NIBAN1: variants seen among roughly 807,000 people sequenced by gnomAD.
NIBAN1 encodes the protein niban apoptosis regulator 1.
NIBAN1 carries 81 observed loss-of-function variants against 75.1 expected under a neutral mutation model. That is an observed-to-expected ratio of 1.08 (90% CI 0.90 to 1.30). The LOEUF is 1.30. NIBAN1 is among the 50% of genes most tolerant of loss of function. The pLI is 0.00. For missense variants in NIBAN1, 1,133 were observed against 1,128.1 expected, an observed-to-expected ratio of 1.00 and a Z score of -0.06; for synonymous variants, 436 against 424.8, an observed-to-expected ratio of 1.03 and a Z score of -0.32.
In NIBAN1 at chr1:184,929,337, T is replaced by C. The variant is rs1049322435; in HGVS notation, c.56-30028A>G. ...ACTACCACACAATCATGAAATAAAA[T>C]ATTTTTATCACACCAAAAACCCAAT... On this transcript the variant is annotated intron_variant, in intron 1 of 13. Coordinates refer to ENST00000367511, the MANE Select transcript of NIBAN1 (RefSeq NM_052966.4). Among the ~76,000 whole-genome samples the C allele has an allele frequency of 8.3e-4, 127 of 152,286 alleles. 2 individuals are homozygous for C. The highest frequency in any genetic ancestry group is 2.9e-3 in the African/African-American group (122 of 41,570).
intron 5 of NIBAN1, among the ~76,000 whole-genome samples, chr1:184,834,294 T>C (rs1655080911): frequency 1.3e-5 from 2 of 152,220 alleles, no homozygotes; most frequent in African/African-American, 2.4e-5. Flanking sequence ...GTCTTTGCTA[T>C]TGTGAATAGT....
chr1:184,932,700 T>G (rs1049838291), intron 1 of NIBAN1, among the ~76,000 whole-genome samples: 1 of 152,220 alleles, frequency 6.6e-6, no homozygotes, highest in Non-Finnish European at 1.5e-5. Context: ...CTTTTGTATA[T>G]TTGACTTATT....
At chr1:184,945,310 A>G (rs1330372804) in intron 1 of NIBAN1, among the ~76,000 whole-genome samples, 1 of 151,486 alleles carries the variant, frequency 6.6e-6, no homozygotes, top group African/African-American at 2.4e-5. Context: ...CATGGCAGAA[A>G]CCCTCTTAAC....
intron 6 of NIBAN1, among the ~76,000 whole-genome samples, chr1:184,824,349 C>T (rs549712962): frequency 1.3e-5 from 2 of 152,154 alleles, no homozygotes; most frequent in African/African-American, 4.8e-5. Flanking sequence ...TCCCACCATG[C>T]AGTGCCTTCA....
chr1:184,794,811 G>A lies in NIBAN1; in HGVS notation c.*166C>T, dbSNP rs918456617. On this transcript the variant is annotated 3_prime_UTR_variant, in exon 14 of 14. Transcript: ENST00000367511. Reference sequence around the variant, plus strand: ...TCGTAGAACAATTCATGTCCACAAAGGTTTGCCTCAGTTGCTCATGCCCTG... The same window carrying A: ...TCGTAGAACAATTCATGTCCACAAAAGTTTGCCTCAGTTGCTCATGCCCTG... The A allele has an allele frequency of 7.3e-6, 6 of 820,510 alleles. No homozygotes were observed. Among genetic ancestry groups the A allele is most frequent in the African/African-American group, 6.8e-5 (4 of 58,730 alleles). 50.8% of individuals were successfully genotyped at this position (820,510 alleles called of 1,614,324 possible).
intron 5 of NIBAN1, among the ~76,000 whole-genome samples, chr1:184,883,983 T>G (rs1457672685): frequency 1.3e-5 from 2 of 152,224 alleles, no homozygotes; most frequent in African/African-American, 4.8e-5. Context: ...TTAGATTTTT[T>G]TAAATCAGGA....
chr1:184,959,839 A>G (rs1423677498), intron 1 of NIBAN1, among the ~76,000 whole-genome samples: 1 of 152,234 alleles, frequency 6.6e-6, no homozygotes, highest in Non-Finnish European at 1.5e-5. Flanking sequence ...AACTATTTCC[A>G]GCTCTGAGTG....
chr1:184,841,159 T>C (rs1189704953), intron 5 of NIBAN1, among the ~76,000 whole-genome samples: 1 of 151,952 alleles, frequency 6.6e-6, no homozygotes, highest in Non-Finnish European at 1.5e-5. Context: ...TGCACTTAAG[T>C]CCAAAAACAC....
chr1:184,811,103 A>G (rs1336815858), intron 9 of NIBAN1, among the ~76,000 whole-genome samples: 2 of 152,236 alleles, frequency 1.3e-5, no homozygotes, highest in African/African-American at 4.8e-5. Flanking sequence ...GACTGGGTCC[A>G]GGAACAGATT....
Position 184,890,242 on chromosome 1 carries a change from C to T in NIBAN1, c.319-20G>A. The T allele has an allele frequency of 1.3e-6, 2 of 1,550,696 alleles. No homozygotes were observed. The highest frequency in any genetic ancestry group is 2.2e-5 in the East Asian group (1 of 44,522). Reference sequence around the variant, plus strand: ...ATAGGCCTGGGGAGGGAAAGGCACACAGGAATGATATCTTTTTCCCCATTT... The same window carrying T: ...ATAGGCCTGGGGAGGGAAAGGCACATAGGAATGATATCTTTTTCCCCATTT... On this transcript the variant is annotated intron_variant, in intron 3 of 13. Transcript: ENST00000367511.
intron 6 of NIBAN1, among the ~76,000 whole-genome samples, chr1:184,827,139 T>C (rs1475575045): frequency 2.0e-5 from 3 of 152,152 alleles, no homozygotes; most frequent in East Asian, 3.8e-4. Context: ...ACCAGTAACA[T>C]GGAACTGAGA....
chr1:184,884,625 C>T lies in NIBAN1; in HGVS notation c.601+8G>A, dbSNP rs142988649. The T allele has an allele frequency of 1.0e-4, 162 of 1,613,806 alleles. No individual in the cohort carries two copies. Among genetic ancestry groups the T allele is most frequent in the Non-Finnish European group, 1.3e-4 (152 of 1,179,802 alleles). On this transcript the variant is annotated splice_region_variant and intron_variant, in intron 5 of 13. Coordinates refer to ENST00000367511, the MANE Select transcript of NIBAN1 (RefSeq NM_052966.4). ...CGCCCCGGGGATGAGAGGGGAGCCG[C>T]GCCATACCATGATTGAGATGCCTGA...
Position 184,799,735 on chromosome 1 carries a change from CTTTTTTTTTTTTT to C in NIBAN1, c.1555-1558_1555-1546del, listed in dbSNP as rs780273995. Among the ~76,000 whole-genome samples the C allele has an allele frequency of 2.0e-4, 10 of 49,800 alleles. 1 individual carries two copies. The highest frequency in any genetic ancestry group is 1.4e-3 in the East Asian group (2 of 1,434). The allele number at this position is 49,800 out of a possible 152,430, so 32.7% of individuals were successfully genotyped here. A position where few individuals can be genotyped will look rare whatever the true frequency, so the allele number is the denominator to read the frequency against. ...TCCTGACTTTTTAATGATTGCCATT[CTTTTTTTTTTTTT>C]TTTTTTTTTTTTTTTGAGACGGAGT... On this transcript the variant is annotated intron_variant, in intron 12 of 13. Coordinates refer to ENST00000367511, the MANE Select transcript of NIBAN1 (RefSeq NM_052966.4).
At chr1:184,823,783 T>C in intron 6 of NIBAN1, 41 bp from the exon 7 acceptor site, 1 of 1,549,224 alleles carries the variant, frequency 6.5e-7, no homozygotes, top group Non-Finnish European at 8.9e-7. Flanking sequence ...CAGTCGGTGA[T>C]GGCTACATCT....
intron 1 of NIBAN1, among the ~76,000 whole-genome samples, chr1:184,972,602 T>C (rs993452566): frequency 6.6e-6 from 1 of 152,234 alleles, no homozygotes; most frequent in Non-Finnish European, 1.5e-5. Context: ...GAGAGAAAGC[T>C]GAACAAGACT....
At chr1:184,865,377 T>C (rs1285823003) in intron 5 of NIBAN1, among the ~76,000 whole-genome samples, 2 of 152,170 alleles carry the variant, frequency 1.3e-5, no homozygotes, top group African/African-American at 2.4e-5. Context: ...AAATACCTCA[T>C]GTTCTCACTT....
chr1:184,817,682 TG>T (rs1654576761), intron 9 of NIBAN1, among the ~76,000 whole-genome samples: 1 of 152,240 alleles, frequency 6.6e-6, no homozygotes, highest in African/African-American at 2.4e-5. Context: ...TTTTGAGAAG[TG>T]GCTGTTCATA....
rs1424798996 is a variant in NIBAN1, at chr1:184,792,416, CTT to C, written c.*2559_*2560del. ...TCTCTTTTAGGGTTGAAAAAAATCT[CTT>C]AGCTTTCCAGGGGGTGCAAGAAGCC... On this transcript the variant is annotated 3_prime_UTR_variant, in exon 14 of 14. Transcript: ENST00000367511. 6.6e-6 allele frequency: 1 copy of C among 152,630 alleles called. No individual in the cohort carries two copies. Among genetic ancestry groups the C allele is most frequent in the Admixed American group, 6.5e-5 (1 of 15,284 alleles). 9.5% of individuals were successfully genotyped at this position (152,630 alleles called of 1,614,324 possible).
At chr1:184,807,500 C>T (rs895780871) in intron 10 of NIBAN1, among the ~76,000 whole-genome samples, 4 of 151,950 alleles carry the variant, frequency 2.6e-5, no homozygotes, top group African/African-American at 9.7e-5. Flanking sequence ...AAAAAGTAGC[C>T]ATATAGGCTG....
Sources: gnomAD v4.1 joint callset for allele counts (sites outside exome capture counted in the v4.1 genomes callset) on GRCh38, gnomAD v4.1.1 for gene constraint, MANE v1.5 for transcripts, NCBI Gene and HGNC (gene_info 2026-07-23, HGNC 2026-07-21) for gene names.